The following SCGN variants were observed in gnomAD, a reference collection of about 807,000 sequenced individuals.
The protein encoded by SCGN is secretagogin.
Under a neutral mutation model 39.7 loss-of-function variants are expected in SCGN, and 30 were observed. The ratio of observed to expected loss-of-function variants is 0.76; its 90% CI spans 0.57 to 1.03. The LOEUF (loss-of-function observed/expected upper bound fraction) is 1.03. Among genes scored for constraint, SCGN ranks in the 50% least tolerant of loss-of-function variants. The probability of loss-of-function intolerance (pLI) is 0.00; values close to 1 mark genes in which losing one functional copy is unlikely to be tolerated. For missense variants in SCGN, 353 were observed against 349.4 expected, an observed-to-expected ratio of 1.01 and a Z score of -0.08; for synonymous variants, 106 against 114.1, an observed-to-expected ratio of 0.93 and a Z score of 0.45.
chr6:25,687,649 T>C (rs892704972), intron 7 of SCGN, among the ~76,000 whole-genome samples: 3 of 152,148 alleles, frequency 2.0e-5, no homozygotes, highest in South Asian at 4.1e-4. Context: ...TTCTTTCTAT[T>C]CTGCCAATCT....
At position 25,689,180 on chromosome 6, in the gene SCGN, C is replaced by G. The variant is rs1355727278; in HGVS notation, c.536C>G (p.Ala179Gly). 6.3e-7 allele frequency: 1 copy of G among 1,590,036 alleles called. No individual in the cohort carries two copies. Among genetic ancestry groups the G allele is most frequent in the Admixed American group, 1.7e-5 (1 of 58,974 alleles). Residue 179 changes from alanine to glycine, a missense_variant, in exon 8 of 11, where the codon GCT becomes GGT. Transcript: ENST00000377961. ...TTTTTTTTTCTATTTAGGATTCTGG[C>G]TCTTCAGGAAAACTTCCTTCTCCAA... is the stretch of plus-strand genomic sequence containing the variant. ...LDLNDLARIL[A>G]LQENFLLQFK...
intron 10 of SCGN, among the ~76,000 whole-genome samples, chr6:25,695,657 G>A (rs1759828549): frequency 6.6e-6 from 1 of 152,176 alleles, no homozygotes; most frequent in Non-Finnish European, 1.5e-5. Context: ...AGCCTCCTGA[G>A]TAGCTGGGAT....
chr6:25,664,366 G>A (rs536157353), intron 3 of SCGN, among the ~76,000 whole-genome samples: 2 of 152,306 alleles, frequency 1.3e-5, no homozygotes, highest in African/African-American at 4.8e-5. Flanking sequence ...GTGGGCTTGA[G>A]ATCGCCAAGC....
At position 25,661,599 on chromosome 6, in the gene SCGN, G is replaced by T; in HGVS notation, c.201G>T (p.Met67Ile). 3 of 1,613,648 alleles carry T rather than the reference G, an allele frequency of 1.9e-6. No individual in the cohort carries two copies. In the South Asian group the frequency reaches 3.3e-5, roughly 18 times the overall value. ...ANLHKVKQQF[M>I]TTQDASKDGR... ...TGCACAAGGTGAAACAGCAGTTTAT[G>T]ACTACCCAAGATGCCTCTAAAGATG... The change falls in exon 3 of 11, where the codon ATG becomes ATT. Residue 67 changes from methionine (M) to isoleucine (I), a missense_variant. Physicochemically the swap from Met to Ile is conservative, Grantham distance 10. Coordinates refer to ENST00000377961, the MANE Select transcript of SCGN (RefSeq NM_006998.4).
At chr6:25,667,376 G>GTTTTTTA (rs1760440701) in intron 4 of SCGN, among the ~76,000 whole-genome samples, 1 of 151,968 alleles carries the variant, frequency 6.6e-6, no homozygotes, top group Non-Finnish European at 1.5e-5. Flanking sequence ...GTGAATTCTT[G>GTTTTTTA]AATTTGTTTT....
chr6:25,659,284 C>T (rs777866070), intron 2 of SCGN, among the ~76,000 whole-genome samples: 26 of 152,198 alleles, frequency 1.7e-4, no homozygotes, highest in Non-Finnish European at 3.1e-4. Context: ...AGTCATCAAG[C>T]TGTCCTTGCA....
At chr6:25,684,876 A>G (rs917282256) in intron 7 of SCGN, among the ~76,000 whole-genome samples, 4 of 152,344 alleles carry the variant, frequency 2.6e-5, no homozygotes, top group Non-Finnish European at 5.9e-5. Flanking sequence ...TTTATGTTAC[A>G]TGGCAAGAAT....
Position 25,700,554 on chromosome 6 carries a change from AAG to A in SCGN, c.703-650_703-649del, listed in dbSNP as rs537930000. 2.2e-4 allele frequency among the ~76,000 whole-genome samples: 33 copies of A among 152,288 alleles called. No individual in the cohort carries two copies. In the South Asian group the frequency reaches 5.8e-3, roughly 27 times the overall value. On this transcript the variant is annotated intron_variant, in intron 10 of 10. Transcript: ENST00000377961. Reference sequence around the variant, plus strand: ...TGCACCTCTGTTTCCTAATTTGTAAAAGAGGTGGAATTATTTACTTCCCAGCA... The same window carrying A: ...TGCACCTCTGTTTCCTAATTTGTAAAAGGTGGAATTATTTACTTCCCAGCA...
rs78076102 is a variant in SCGN at position 25,689,933 on chromosome 6, A to G, written c.633+401A>G. 3.5e-4 allele frequency among the ~76,000 whole-genome samples: 54 copies of G among 152,324 alleles called. 1 individual carries two copies. In the East Asian group the frequency reaches 0.01, roughly 28 times the overall value. ...ACTATTTTTTCTTGTAGAACCAATT[A>G]TTTGATGAAAAGGGGAGAATATAAA... is the stretch of plus-strand genomic sequence containing the variant. On this transcript the variant is annotated intron_variant, in intron 9 of 10. Coordinates refer to ENST00000377961, the MANE Select transcript of SCGN (RefSeq NM_006998.4).
chr6:25,663,952 GA>G (rs1397686661), intron 3 of SCGN, among the ~76,000 whole-genome samples: 3 of 152,174 alleles, frequency 2.0e-5, no homozygotes, highest in Admixed American at 6.5e-5. Context: ...TATTGTACAA[GA>G]CACTGAGCAA....
At chr6:25,653,858 T>C (rs1007771127) in intron 2 of SCGN, among the ~76,000 whole-genome samples, 1 of 152,220 alleles carries the variant, frequency 6.6e-6, no homozygotes, top group African/African-American at 2.4e-5. Context: ...ACTCCTCTGA[T>C]AGCAAACCAC....
intron 6 of SCGN, 66 bp from the exon 7 acceptor site, chr6:25,681,885 G>A: frequency 1.5e-6 from 2 of 1,366,606 alleles, no homozygotes; most frequent in Non-Finnish European, 2.1e-6. Context: ...AAATAGAAAA[G>A]TGCTTTAATA....
intron 10 of SCGN, among the ~76,000 whole-genome samples, chr6:25,695,897 C>A (rs887031006): frequency 2.0e-5 from 3 of 152,154 alleles, no homozygotes; most frequent in Non-Finnish European, 4.4e-5. Flanking sequence ...GAATCTACAG[C>A]TTAAATGAGA....
At chr6:25,670,837 C>T (rs1033067941) in intron 6 of SCGN, among the ~76,000 whole-genome samples, 2 of 152,200 alleles carry the variant, frequency 1.3e-5, no homozygotes, top group African/African-American at 4.8e-5. Context: ...ACACCTAACT[C>T]GATGCATTTC....
chr6:25,655,485 T>G (rs1340872404), intron 2 of SCGN, among the ~76,000 whole-genome samples: 1 of 152,168 alleles, frequency 6.6e-6, no homozygotes, highest in African/African-American at 2.4e-5. Context: ...ACCTGGTCCA[T>G]GGACTAATGC....
At chr6:25,672,952 G>A (rs531339840) in intron 6 of SCGN, among the ~76,000 whole-genome samples, 5 of 152,242 alleles carry the variant, frequency 3.3e-5, no homozygotes, top group South Asian at 2.1e-4. Flanking sequence ...ATCTGTTTAT[G>A]GGTCTTGTAC....
At chr6:25,662,290 AGAT>A (rs1269181204) in intron 3 of SCGN, among the ~76,000 whole-genome samples, 1 of 152,240 alleles carries the variant, frequency 6.6e-6, no homozygotes, top group Non-Finnish European at 1.5e-5. Flanking sequence ...ATAGTAGTTA[AGAT>A]GATGATAGGC....
intron 6 of SCGN, among the ~76,000 whole-genome samples, chr6:25,673,681 C>A (rs1189459401): frequency 6.6e-6 from 1 of 152,156 alleles, no homozygotes; most frequent in Non-Finnish European, 1.5e-5. Context: ...CTCTTCTGCT[C>A]ATGTGTGCTG....
At chr6:25,668,771 G>A (rs545404285) in intron 4 of SCGN, among the ~76,000 whole-genome samples, 13 of 152,180 alleles carry the variant, frequency 8.5e-5, no homozygotes, top group African/African-American at 2.9e-4. Context: ...CCATCATGTC[G>A]GGTCTCTTAG....
Sources: allele counts gnomAD v4.1 joint callset (sites outside exome capture counted in the v4.1 genomes callset), GRCh38; gene constraint gnomAD v4.1.1; transcripts MANE v1.5; gene names NCBI Gene and HGNC (gene_info 2026-07-23, HGNC 2026-07-21).